The following ERVK3-1 variants were observed in gnomAD, a reference collection of about 807,000 sequenced individuals.
ERVK3-1 encodes endogenous retrovirus group K3 member 1.
At chr19:58,305,823 C>T (rs1442700111) in intron 1 of ERVK3-1, among the ~76,000 whole-genome samples, 1 of 152,176 alleles carries the variant, frequency 6.6e-6, no homozygotes, top group Non-Finnish European at 1.5e-5. Flanking sequence ...CAGTCATGTC[C>T]CAGGTCCCCT....
chr19:58,314,931 G>A (rs2051581430), exon 4 of ERVK3-1: 1 of 393,338 alleles, frequency 2.5e-6, no homozygotes, highest in African/African-American at 2.1e-5. Flanking sequence ...ATGAAAGCAG[G>A]ATGTTGGCGA....
intron 3 of ERVK3-1, among the ~76,000 whole-genome samples, chr19:58,314,107 A>G (rs1183612887): frequency 6.6e-6 from 1 of 152,222 alleles, no homozygotes; most frequent in East Asian, 1.9e-4. Flanking sequence ...TGTAGCAGCA[A>G]TTGCACTGTC....
At chr19:58,307,165 C>T (rs1233925940) in intron 2 of ERVK3-1, among the ~76,000 whole-genome samples, 1 of 152,228 alleles carries the variant, frequency 6.6e-6, no homozygotes, top group African/African-American at 2.4e-5. Flanking sequence ...GCTAAGCGTG[C>T]CTGGGCCACC....
At chr19:58,308,042 C>T (rs948184724) in intron 2 of ERVK3-1, among the ~76,000 whole-genome samples, 2 of 152,216 alleles carry the variant, frequency 1.3e-5, no homozygotes, top group Non-Finnish European at 2.9e-5. Flanking sequence ...GGATTGTTGA[C>T]TCTGATTATG....
exon 4 of ERVK3-1, chr19:58,315,206 C>G (rs1942487708): frequency 6.3e-6 from 1 of 158,664 alleles, no homozygotes; most frequent in African/African-American, 2.4e-5. Flanking sequence ...TCAAACAGAT[C>G]CTTTTGTCTG....
intron 2 of ERVK3-1, among the ~76,000 whole-genome samples, chr19:58,307,522 A>G (rs1210428329): frequency 3.3e-5 from 5 of 152,102 alleles, no homozygotes; most frequent in African/African-American, 1.2e-4. Context: ...AAAGTGGGAA[A>G]ATGTTATAAT....
intron 3 of ERVK3-1, 65 bp from the exon 4 acceptor site, chr19:58,314,678 ATAACT>A (rs1025882217): frequency 1.0e-5 from 4 of 398,510 alleles, no homozygotes; most frequent in Non-Finnish European, 1.8e-5. Flanking sequence ...TACCTTAAAC[ATAACT>A]TCAATGTCTC....
intron 2 of ERVK3-1, among the ~76,000 whole-genome samples, chr19:58,308,520 C>T (rs897186348): frequency 2.0e-5 from 3 of 152,132 alleles, no homozygotes; most frequent in Non-Finnish European, 4.4e-5. Flanking sequence ...GGATGTGAGA[C>T]TTACAAATGA....
At chr19:58,309,198 G>A (rs2051542057) in intron 2 of ERVK3-1, 1 of 152,074 alleles carries the variant, frequency 6.6e-6, no homozygotes, top group Admixed American at 6.6e-5. Context: ...AAGGAGCCTC[G>A]GAATATGTTT....
downstream of ERVK3-1, chr19:58,315,787 C>G (rs2051588959): frequency 6.6e-6 from 1 of 152,232 alleles, no homozygotes; most frequent in South Asian, 2.1e-4. Context: ...GCCATGACCA[C>G]ACCCACTCCT....
chr19:58,310,846 C>CGGTCT lies in ERVK3-1; in HGVS notation c.-3-1318_-3-1314dup, dbSNP rs1281091894. ...AGGGAGACCGCCCCCCACCCTTTCCCGGTCTGCTAAGTAGCGGGTGTTGTT... is the reference window on the plus strand; with the variant it reads ...AGGGAGACCGCCCCCCACCCTTTCCCGGTCTGGTCTGCTAAGTAGCGGGTGTTGTT... On this transcript the variant is annotated intron_variant, in intron 2 of 3. Transcript: ENST00000413518. The surrounding 1 kb of genome is among the most constrained non-coding windows in gnomAD (Gnocchi z 4.7). 24 of 398,914 alleles carry CGGTCT rather than the reference C, an allele frequency of 6.0e-5. No homozygotes were observed. The highest frequency in any genetic ancestry group is 1.2e-4 in the Non-Finnish European group (24 of 194,436). The allele number at this position is 398,914 out of a possible 1,614,324, so 24.7% of individuals were successfully genotyped here. A position where few individuals can be genotyped will look rare whatever the true frequency, so the allele number is the denominator to read the frequency against.
chr19:58,308,919 G>A (rs1023396374), intron 2 of ERVK3-1: 1 of 152,192 alleles, frequency 6.6e-6, no homozygotes, highest in Non-Finnish European at 1.5e-5. Context: ...TTTGAGAGCT[G>A]TTAATGCACA....
At chr19:58,307,483 A>G (rs2051530908) in intron 2 of ERVK3-1, among the ~76,000 whole-genome samples, 1 of 152,224 alleles carries the variant, frequency 6.6e-6, no homozygotes, top group East Asian at 1.9e-4. Flanking sequence ...GTAGTGAACA[A>G]ATCTGAAAAG....
chr19:58,311,995 G>T, intron 2 of ERVK3-1, 171 bp from the exon 3 acceptor site: 1 of 394,626 alleles, frequency 2.5e-6, no homozygotes. Flanking sequence ...ACTTTAAATT[G>T]TTTGACTCCT....
In ERVK3-1 at chr19:58,306,926, G is replaced by A. The variant is rs142411749; in HGVS notation, c.-4+710G>A. On this transcript the variant is annotated intron_variant, in intron 2 of 3. Transcript: ENST00000413518. Reference sequence around the variant, plus strand: ...TTAGAATCTGTATTCAGCACTATGCGCCTCCCACCCTTGGATATAAAGCAT... The same window carrying A: ...TTAGAATCTGTATTCAGCACTATGCACCTCCCACCCTTGGATATAAAGCAT... 3.9e-5 allele frequency among the ~76,000 whole-genome samples: 6 copies of A among 152,296 alleles called. No individual in the cohort carries two copies. The South Asian group carries it at 8.3e-4, about 21-fold the overall frequency.
chr19:58,308,473 G>T (rs1436380958), intron 2 of ERVK3-1, among the ~76,000 whole-genome samples: 1 of 152,200 alleles, frequency 6.6e-6, no homozygotes, highest in Non-Finnish European at 1.5e-5. Context: ...GCAAATATAC[G>T]TGTTAATCTC....
At chr19:58,316,454 G>A (rs1021888237), downstream of ERVK3-1, among the ~76,000 whole-genome samples, 1 of 152,108 alleles carries the variant, frequency 6.6e-6, no homozygotes, top group African/African-American at 2.4e-5. Flanking sequence ...AGGCAGGCCT[G>A]AGGTTGGGCC....
intron 2 of ERVK3-1, among the ~76,000 whole-genome samples, chr19:58,306,920 C>G (rs2051527467): frequency 6.6e-6 from 1 of 152,256 alleles, no homozygotes; most frequent in Admixed American, 6.5e-5. Flanking sequence ...GTATTCAGCA[C>G]TATGCGCCTC....
At position 58,312,861 on chromosome 19, in the gene ERVK3-1, C is replaced by G. The variant is rs777215519; in HGVS notation, c.294+399C>G. The G allele has an allele frequency of 6.4e-6, 1 of 156,446 alleles. No homozygotes were observed. The highest frequency in any genetic ancestry group is 2.4e-5 in the African/African-American group (1 of 41,628). 9.7% of individuals were successfully genotyped at this position (156,446 alleles called of 1,614,324 possible). ...GCTCCCTTTGATATTTCTCACCCCCCTCCTTGGACCCAGTGTCTTGGCCCC... is the reference window on the plus strand; with the variant it reads ...GCTCCCTTTGATATTTCTCACCCCCGTCCTTGGACCCAGTGTCTTGGCCCC... On this transcript the variant is annotated intron_variant, in intron 3 of 3. Coordinates refer to ENST00000413518, the Ensembl canonical transcript of ERVK3-1. The surrounding 1 kb of genome is among the most constrained non-coding windows in gnomAD (Gnocchi z 4.7).
Sources: gnomAD v4.1 joint callset for allele counts (sites outside exome capture counted in the v4.1 genomes callset) on GRCh38, gnomAD v4.1.1 for gene constraint, Gnocchi (gnomAD v3.1) non-coding constraint, MANE v1.5 for transcripts, NCBI Gene and HGNC (gene_info 2026-07-23, HGNC 2026-07-21) for gene names.